The following SLC14A2 variants were observed in gnomAD, a reference collection of about 807,000 sequenced individuals.
The protein encoded by SLC14A2 is solute carrier family 14 member 2, also known as urea transporter 2.
SLC14A2 carries 91 observed loss-of-function variants against 104.6 expected under a neutral mutation model. The ratio of observed to expected loss-of-function variants is 0.87; its 90% CI spans 0.73 to 1.04. The LOEUF is 1.04. SLC14A2 is among the 50% of genes least tolerant of loss of function. SLC14A2 has a pLI of 0.00. For missense variants in SLC14A2, 1,189 were observed against 1,156.0 expected, an observed-to-expected ratio of 1.03 and a Z score of -0.41; for synonymous variants, 476 against 466.4, an observed-to-expected ratio of 1.02 and a Z score of -0.27.
intron 1 of SLC14A2, among the ~76,000 whole-genome samples, chr18:45,441,681 G>A (rs1475661134): frequency 6.6e-6 from 1 of 152,228 alleles, no homozygotes; most frequent in Admixed American, 6.5e-5. Context: ...AGGGCAAGGA[G>A]GTACTCTGGC....
At chr18:45,655,356 A>C (rs1421179246) in intron 10 of SLC14A2, among the ~76,000 whole-genome samples, 1 of 152,218 alleles carries the variant, frequency 6.6e-6, no homozygotes, top group Non-Finnish European at 1.5e-5. Flanking sequence ...GGTGAGGGAA[A>C]GCCATCCTGT....
intron 1 of SLC14A2, among the ~76,000 whole-genome samples, chr18:45,333,765 T>C (rs547634227): frequency 6.6e-6 from 1 of 152,322 alleles, no homozygotes; most frequent in East Asian, 1.9e-4. Context: ...TTTGTGCTTA[T>C]TTTGGGCAAG....
intron 2 of SLC14A2, among the ~76,000 whole-genome samples, chr18:45,540,676 T>G (rs1303422812): frequency 1.3e-5 from 2 of 152,022 alleles, no homozygotes; most frequent in African/African-American, 4.8e-5. Flanking sequence ...ATCTGGGAAG[T>G]GGAGTTTGCA....
intron 4 of SLC14A2, 67 bp from the exon 5 acceptor site, chr18:45,632,283 C>T: frequency 6.4e-7 from 1 of 1,563,780 alleles, no homozygotes; most frequent in Non-Finnish European, 8.7e-7. Flanking sequence ...ATCCTCAGAG[C>T]ACCAGGAGGG....
intron 1 of SLC14A2, among the ~76,000 whole-genome samples, chr18:45,243,178 G>A (rs998872326): frequency 2.6e-5 from 4 of 152,186 alleles, no homozygotes; most frequent in African/African-American, 4.8e-5. Flanking sequence ...ATAAGGCCAG[G>A]CACATTCAGT....
At chr18:45,538,644 C>CT (rs1174508738) in intron 2 of SLC14A2, among the ~76,000 whole-genome samples, 1 of 152,144 alleles carries the variant, frequency 6.6e-6, no homozygotes, top group African/African-American at 2.4e-5. Context: ...AAGCCACAGT[C>CT]TTTTTTATAA....
intron 1 of SLC14A2, 112 bp from the exon 2 acceptor site, chr18:45,624,519 C>T (rs2045228987): frequency 6.4e-6 from 4 of 629,756 alleles, no homozygotes; most frequent in Admixed American, 3.2e-5. Flanking sequence ...GTAGATCCCA[C>T]GTGTGTCACT....
chr18:45,617,409 G>A (rs897315742), intron 1 of SLC14A2, among the ~76,000 whole-genome samples: 4 of 152,130 alleles, frequency 2.6e-5, no homozygotes, highest in South Asian at 2.1e-4. Context: ...CAGAGGAGGT[G>A]GTGCTGCCTC....
At chr18:45,215,268 T>C (rs1410433837) in intron 1 of SLC14A2, among the ~76,000 whole-genome samples, 3 of 152,230 alleles carry the variant, frequency 2.0e-5, no homozygotes, top group African/African-American at 7.2e-5. Context: ...CTGAGTTCTA[T>C]TGTTAATAGC....
At chr18:45,465,608 C>T (rs12958632) in intron 1 of SLC14A2, among the ~76,000 whole-genome samples, 1 of 152,176 alleles carries the variant, frequency 6.6e-6, no homozygotes, top group Non-Finnish European at 1.5e-5. Flanking sequence ...ATCCATCCTT[C>T]TCCTCCTCCC....
At chr18:45,426,569 C>T (rs1716589427) in intron 1 of SLC14A2, among the ~76,000 whole-genome samples, 1 of 147,776 alleles carries the variant, frequency 6.8e-6, no homozygotes, top group Non-Finnish European at 1.5e-5. Context: ...TGTGTGTATA[C>T]ACACATATAT....
chr18:45,401,313 C>T (rs1421117787), intron 1 of SLC14A2, among the ~76,000 whole-genome samples: 2 of 152,182 alleles, frequency 1.3e-5, no homozygotes, highest in South Asian at 2.1e-4. Flanking sequence ...TATGCTCCCC[C>T]ACCCAAAACA....
intron 2 of SLC14A2, among the ~76,000 whole-genome samples, chr18:45,552,580 CAAAT>C (rs772675423): frequency 6.6e-6 from 1 of 152,132 alleles, no homozygotes; most frequent in Non-Finnish European, 1.5e-5. Context: ...CAAACAAAAA[CAAAT>C]AACCATGAAG....
chr18:45,672,632 T>A (rs2046160110), intron 16 of SLC14A2, among the ~76,000 whole-genome samples: 1 of 152,218 alleles, frequency 6.6e-6, no homozygotes, highest in Admixed American at 6.5e-5. Context: ...GGTTTTCAGT[T>A]TCTCTTCCCT....
chr18:45,196,317 C>G, the SLC14A2 span, among the ~76,000 whole-genome samples: 5 of 152,250 alleles, frequency 3.3e-5, no homozygotes, highest in South Asian at 1.0e-3. Context: ...TTTTCATTCT[C>G]ATTCTCTTTC....
At chr18:45,437,234 G>A (rs978163073) in intron 1 of SLC14A2, among the ~76,000 whole-genome samples, 2 of 152,142 alleles carry the variant, frequency 1.3e-5, no homozygotes, top group African/African-American at 4.8e-5. Flanking sequence ...TCTGTAAAAA[G>A]CTACCAGAGA....
intron 10 of SLC14A2, among the ~76,000 whole-genome samples, chr18:45,648,385 T>C (rs2045663221): frequency 6.6e-6 from 1 of 152,018 alleles, no homozygotes; most frequent in Admixed American, 6.5e-5. Context: ...TTTTGTATTT[T>C]TAGTAGAGAT....
chr18:45,356,175 G>C (rs2085552185), intron 1 of SLC14A2, among the ~76,000 whole-genome samples: 2 of 152,096 alleles, frequency 1.3e-5, no homozygotes, highest in South Asian at 4.2e-4. Context: ...AAATTCAAAA[G>C]GATGGGTTCT....
intron 1 of SLC14A2, among the ~76,000 whole-genome samples, chr18:45,252,228 A>G (rs2084430911): frequency 6.6e-6 from 1 of 152,252 alleles, no homozygotes; most frequent in East Asian, 1.9e-4. Flanking sequence ...CCAGGAATCA[A>G]TTCTATCATG....
Sources: gnomAD v4.1 joint callset for allele counts (sites outside exome capture counted in the v4.1 genomes callset) on GRCh38, gnomAD v4.1.1 for gene constraint, MANE v1.5 for transcripts, NCBI Gene and HGNC (gene_info 2026-07-23, HGNC 2026-07-21) for gene names.